The following PPP3CA variants were observed in gnomAD, a reference collection of about 807,000 sequenced individuals.
The protein encoded by PPP3CA is CAM-PRP catalytic subunit.
In PPP3CA, 14 loss-of-function variants were observed where a neutral mutation model predicts 66.5. The observed-to-expected ratio is 0.21, with a 90% CI of 0.14 to 0.33. PPP3CA has a LOEUF of 0.33. Among genes scored for constraint, PPP3CA ranks in the 10% least tolerant of loss-of-function variants. The pLI is 1.00. For synonymous variants in PPP3CA, 232 were observed against 226.2 expected, an observed-to-expected ratio of 1.03 and a Z score of -0.23; for missense variants, 317 against 639.5, an observed-to-expected ratio of 0.50 and a Z score of 5.44.
chr4:101,140,014 A>T (rs1256928364), intron 2 of PPP3CA, among the ~76,000 whole-genome samples: 2 of 152,032 alleles, frequency 1.3e-5, no homozygotes, highest in Non-Finnish European at 2.9e-5. Context: ...TCTCTTTTAC[A>T]TTGCTTTCCC....
chr4:101,121,549 T>C (rs1412933025), intron 2 of PPP3CA, among the ~76,000 whole-genome samples: 1 of 152,094 alleles, frequency 6.6e-6, no homozygotes, highest in Non-Finnish European at 1.5e-5. Flanking sequence ...AAAGTTAATA[T>C]GTCAGAACAG....
At chr4:101,109,308 TAAAAAAA>T (rs70961775) in intron 2 of PPP3CA, among the ~76,000 whole-genome samples, 2 of 90,060 alleles carry the variant, frequency 2.2e-5, no homozygotes, top group Non-Finnish European at 2.2e-5. Context: ...ACAGATTAAC[TAAAAAAA>T]AAAAAAAAAA....
chr4:101,033,032 A>ACAAT (rs766407717), intron 11 of PPP3CA, among the ~76,000 whole-genome samples: 13 of 152,062 alleles, frequency 8.5e-5, no homozygotes, highest in Non-Finnish European at 1.3e-4. Context: ...CAATTGTTTT[A>ACAAT]CAATCAATCA....
chr4:101,078,960 C>T (rs1161952195), intron 8 of PPP3CA, among the ~76,000 whole-genome samples: 1 of 152,176 alleles, frequency 6.6e-6, no homozygotes, highest in Non-Finnish European at 1.5e-5. Flanking sequence ...CCTTTCTTCC[C>T]CATGGTTACA....
intron 1 of PPP3CA, among the ~76,000 whole-genome samples, chr4:101,341,770 G>T (rs1489500106): frequency 1.3e-5 from 2 of 152,176 alleles, no homozygotes; most frequent in African/African-American, 4.8e-5. Flanking sequence ...TATATCAAGA[G>T]ACTGCTACAT....
chr4:101,026,225 T>C (rs1726643970), intron 13 of PPP3CA, among the ~76,000 whole-genome samples, 164 bp from the exon 14 acceptor site: 1 of 152,208 alleles, frequency 6.6e-6, no homozygotes, highest in Non-Finnish European at 1.5e-5. Flanking sequence ...CTCCTTACCA[T>C]ACTCGGAAGT....
intron 1 of PPP3CA, among the ~76,000 whole-genome samples, chr4:101,209,543 A>G (rs1306152176): frequency 1.3e-5 from 2 of 152,180 alleles, no homozygotes; most frequent in Non-Finnish European, 2.9e-5. Context: ...TTGGATCAGA[A>G]TCACGACAAG....
intron 1 of PPP3CA, among the ~76,000 whole-genome samples, chr4:101,287,768 T>C (rs138888890): frequency 9.2e-5 from 5 of 54,384 alleles, no homozygotes; most frequent in Non-Finnish European, 2.6e-4. Flanking sequence ...TAACCTCTCT[T>C]TTTTTTTTTT....
In PPP3CA at chr4:101,327,885, G is replaced by A. The variant is rs145737948; in HGVS notation, c.58+18854C>T. Among the ~76,000 whole-genome samples, 370 of 151,978 alleles carry A rather than the reference G, an allele frequency of 2.4e-3. 5 individuals carry two copies. Among genetic ancestry groups the A allele is most frequent in the African/African-American group, 8.6e-3 (357 of 41,438 alleles). On this transcript the variant is annotated intron_variant, in intron 1 of 13. Transcript: ENST00000394854. Reference sequence around the variant, plus strand: ...AACAAAACACTCTAGTTGTATGAACGTTACTCAAATTTTTCATCTACATGG... The same window carrying A: ...AACAAAACACTCTAGTTGTATGAACATTACTCAAATTTTTCATCTACATGG...
chr4:101,169,953 A>G (rs368525313), intron 2 of PPP3CA, among the ~76,000 whole-genome samples: 2 of 152,186 alleles, frequency 1.3e-5, no homozygotes, highest in East Asian at 1.9e-4. Context: ...TTTTGAATTT[A>G]GGCAGCTAAT....
intron 2 of PPP3CA, among the ~76,000 whole-genome samples, chr4:101,179,721 C>T (rs1312469166): frequency 6.6e-6 from 1 of 152,124 alleles, no homozygotes; most frequent in Admixed American, 6.5e-5. Context: ...TTAATAAATA[C>T]AAATTCTAAA....
intron 2 of PPP3CA, among the ~76,000 whole-genome samples, chr4:101,138,227 G>C (rs1722684993): frequency 6.6e-6 from 1 of 152,180 alleles, no homozygotes; most frequent in Non-Finnish European, 1.5e-5. Context: ...GAAATGGTTG[G>C]AATGGTTATG....
intron 1 of PPP3CA, among the ~76,000 whole-genome samples, chr4:101,228,764 CTTAA>C (rs1725861098): frequency 6.6e-6 from 1 of 151,584 alleles, no homozygotes; most frequent in African/African-American, 2.4e-5. Context: ...TCCCCCTCTT[CTTAA>C]TTAATTGCCA....
intron 2 of PPP3CA, among the ~76,000 whole-genome samples, chr4:101,172,796 ACT>A (rs1163624012): frequency 2.0e-5 from 3 of 152,000 alleles, no homozygotes; most frequent in African/African-American, 7.2e-5. Flanking sequence ...ATTAAACATA[ACT>A]CTCTAAGTTC....
In PPP3CA at chr4:101,063,273, A is replaced by G. The variant is rs1209744818; in HGVS notation, c.1040T>C (p.Met347Thr). Reference protein sequence around the residue: ...SPHPYWLPNFMDVFTWSLPFV... With the variant: ...SPHPYWLPNFTDVFTWSLPFV... ...TGGAAGGGACCAAGTAAAAACATCC[A>G]TGAAATTTGGAAGCCAGTATGGATG... Residue 347 changes from methionine to threonine, a missense_variant, in exon 9 of 14, where the codon ATG (methionine) becomes ACG (threonine). By Grantham distance (81) the Met-to-Thr change is moderately conservative. Transcript: ENST00000394854. 1.2e-6 allele frequency: 2 copies of G among 1,611,760 alleles called. No individual in the cohort carries two copies. Among genetic ancestry groups the G allele is most frequent in the Non-Finnish European group, 1.7e-6 (2 of 1,178,638 alleles).
intron 1 of PPP3CA, among the ~76,000 whole-genome samples, chr4:101,320,153 G>A (rs544971202): frequency 2.4e-4 from 36 of 151,434 alleles, no homozygotes; most frequent in Admixed American, 7.2e-4. Context: ...ATGCACACGC[G>A]TGTACATGTA....
intron 1 of PPP3CA, 124 bp downstream of exon 1, chr4:101,346,615 G>A: frequency 1.2e-6 from 1 of 841,258 alleles, no homozygotes; most frequent in Non-Finnish European, 1.9e-6. Context: ...ATCCTAGAAG[G>A]TCCGCGGCTG....
At chr4:101,172,622 A>G (rs907950249) in intron 2 of PPP3CA, among the ~76,000 whole-genome samples, 2 of 152,024 alleles carry the variant, frequency 1.3e-5, no homozygotes, top group Admixed American at 6.6e-5. Flanking sequence ...ACTCCTTTCT[A>G]AGCACATGTG....
At chr4:101,084,420 C>A (rs1729569050) in intron 6 of PPP3CA, among the ~76,000 whole-genome samples, 2 of 152,082 alleles carry the variant, frequency 1.3e-5, no homozygotes, top group Admixed American at 6.5e-5. Context: ...GCGGGCAGAT[C>A]ACCTGAGGTC....
Sources: allele counts gnomAD v4.1 joint callset (sites outside exome capture counted in the v4.1 genomes callset), GRCh38; gene constraint gnomAD v4.1.1; transcripts MANE v1.5; gene names NCBI Gene and HGNC (gene_info 2026-07-23, HGNC 2026-07-21).